The following PARD3B variants were observed in gnomAD, a reference collection of about 807,000 sequenced individuals.
PARD3B encodes par-3 family cell polarity regulator beta, also known as partitioning defective 3 homolog B.
Under a neutral mutation model 130.2 loss-of-function variants are expected in PARD3B, and 103 were observed. That is an observed-to-expected ratio of 0.79 (90% CI 0.67 to 0.93). The LOEUF is 0.93. Among genes scored for constraint, PARD3B ranks in the 40% least tolerant of loss-of-function variants. The pLI, the probability that PARD3B is intolerant of heterozygous loss-of-function variation, is 0.00. For synonymous variants in PARD3B, 583 were observed against 553.2 expected (o/e 1.05, Z -0.76); for missense variants, 1,609 against 1,499.2 (o/e 1.07, Z -1.21).
chr2:205,156,303 C>T (rs1342200366), intron 10 of PARD3B, among the ~76,000 whole-genome samples: 3 of 150,300 alleles, frequency 2.0e-5, no homozygotes, highest in Non-Finnish European at 4.4e-5. Context: ...AGGAGATATA[C>T]CTAATGCTAA....
chr2:204,960,674 A>AT (rs1690667275), intron 2 of PARD3B, among the ~76,000 whole-genome samples: 1 of 152,042 alleles, frequency 6.6e-6, no homozygotes, highest in South Asian at 2.1e-4. Flanking sequence ...TTTTCAGCAA[A>AT]TTTACATTGA....
At chr2:205,278,463 T>C (rs1388166344) in intron 16 of PARD3B, among the ~76,000 whole-genome samples, 13 of 152,092 alleles carry the variant, frequency 8.5e-5, no homozygotes, top group African/African-American at 2.2e-4. Flanking sequence ...AGAGACCATT[T>C]TGAGGTTGAG....
intron 1 of PARD3B, 122 bp downstream of exon 1, chr2:204,546,241 C>T: frequency 7.4e-7 from 1 of 1,357,418 alleles, no homozygotes; most frequent in Non-Finnish European, 1.0e-6. Flanking sequence ...CCTGTAGCTG[C>T]AGCTGTTGTC....
At chr2:204,916,086 G>A (rs2047431807) in intron 2 of PARD3B, among the ~76,000 whole-genome samples, 1 of 152,146 alleles carries the variant, frequency 6.6e-6, no homozygotes, top group Non-Finnish European at 1.5e-5. Context: ...GTGCATGTTA[G>A]CACAAATAGC....
rs985920053 is a variant in PARD3B at position 205,244,162 on chromosome 2, A to C, written c.2141-1616A>C. Reference sequence around the variant, plus strand: ...AAATAAAGAAATAGCTTAGAAAAGGAGGGCTAGGTGGGAGTGGGAAGATTA... The same window carrying C: ...AAATAAAGAAATAGCTTAGAAAAGGCGGGCTAGGTGGGAGTGGGAAGATTA... On this transcript the variant is annotated intron_variant, in intron 15 of 22. Coordinates refer to ENST00000406610, the MANE Select transcript of PARD3B (RefSeq NM_001302769.2). This position sits in a 1 kb window ranked among gnomAD's most constrained non-coding sequence, Gnocchi z 4.7. 9.2e-5 allele frequency among the ~76,000 whole-genome samples: 14 copies of C among 152,324 alleles called. No homozygotes were observed. The highest frequency in any genetic ancestry group is 3.4e-4 in the African/African-American group (14 of 41,578).
At chr2:205,576,139 C>G (rs2053750699) in intron 22 of PARD3B, among the ~76,000 whole-genome samples, 1 of 151,996 alleles carries the variant, frequency 6.6e-6, no homozygotes, top group South Asian at 2.1e-4. Flanking sequence ...TGCAGAGTAT[C>G]TTTTCATATA....
At chr2:205,169,220 G>A (rs2035008044) in intron 11 of PARD3B, among the ~76,000 whole-genome samples, 1 of 152,152 alleles carries the variant, frequency 6.6e-6, no homozygotes, top group Non-Finnish European at 1.5e-5. Flanking sequence ...AAGCCTGACA[G>A]TGAGAGTGTG....
At chr2:205,255,724 G>A (rs2040053853) in intron 16 of PARD3B, among the ~76,000 whole-genome samples, 1 of 152,106 alleles carries the variant, frequency 6.6e-6, no homozygotes, top group Non-Finnish European at 1.5e-5. Flanking sequence ...GGATACACAT[G>A]AAGGGCTGGA....
intron 10 of PARD3B, among the ~76,000 whole-genome samples, chr2:205,139,864 G>C (rs771547907): frequency 6.6e-6 from 1 of 152,182 alleles, no homozygotes; most frequent in South Asian, 2.1e-4. Context: ...GCAAAAAGCT[G>C]CAAACAAGCT....
At chr2:204,886,190 C>T (rs563819153) in intron 2 of PARD3B, among the ~76,000 whole-genome samples, 1 of 152,318 alleles carries the variant, frequency 6.6e-6, no homozygotes, top group South Asian at 2.1e-4. Context: ...TGGATCTTCT[C>T]TGGGTGGATT....
At chr2:204,806,367 G>A (rs1458670655) in intron 2 of PARD3B, among the ~76,000 whole-genome samples, 1 of 151,858 alleles carries the variant, frequency 6.6e-6, no homozygotes, top group African/African-American at 2.4e-5. Context: ...TTTGACAAAG[G>A]TACCAAGAAC....
At chr2:204,813,207 G>T (rs1179538650) in intron 2 of PARD3B, among the ~76,000 whole-genome samples, 1 of 152,066 alleles carries the variant, frequency 6.6e-6, no homozygotes, top group African/African-American at 2.4e-5. Context: ...CCTCACCAAG[G>T]TTTAGTATAG....
intron 3 of PARD3B, among the ~76,000 whole-genome samples, chr2:204,997,299 A>G (rs943453583): frequency 1.3e-5 from 2 of 152,128 alleles, no homozygotes; most frequent in African/African-American, 4.8e-5. Flanking sequence ...TGAGATTTTG[A>G]TTGGGATTGA....
chr2:204,830,824 T>C (rs750344506), intron 2 of PARD3B, among the ~76,000 whole-genome samples: 26 of 152,156 alleles, frequency 1.7e-4, no homozygotes, highest in Non-Finnish European at 2.8e-4. Flanking sequence ...AGAAGGGAAT[T>C]TAGCCCAAGG....
intron 10 of PARD3B, among the ~76,000 whole-genome samples, chr2:205,135,464 T>A (rs2032400649): frequency 6.6e-6 from 1 of 152,206 alleles, no homozygotes; most frequent in African/African-American, 2.4e-5. Context: ...GCCACTACAG[T>A]CCATCTCATT....
rs1458301332 is a variant in PARD3B at position 205,166,435 on chromosome 2, G to A, written c.1621-5776G>A. The stretch of plus-strand genomic sequence containing the variant: ...ACCAAGGTATGTACACCAAAGTACA[G>A]TCTGTTGTGCCTGGAAAATAGAGGT... On this transcript the variant is annotated intron_variant, in intron 11 of 22. Coordinates refer to ENST00000406610, the MANE Select transcript of PARD3B (RefSeq NM_001302769.2). Among the ~76,000 whole-genome samples the A allele has an allele frequency of 2.6e-5, 4 of 152,308 alleles. No homozygotes were observed. The East Asian group carries it at 5.8e-4, about 22-fold the overall frequency.
intron 3 of PARD3B, among the ~76,000 whole-genome samples, chr2:205,033,580 A>T (rs1297929652): frequency 6.6e-6 from 1 of 152,144 alleles, no homozygotes; most frequent in African/African-American, 2.4e-5. Flanking sequence ...TATTCATGCA[A>T]GGGTGTCCAT....
At chr2:204,861,014 G>T (rs2045162245) in intron 2 of PARD3B, among the ~76,000 whole-genome samples, 1 of 152,036 alleles carries the variant, frequency 6.6e-6, no homozygotes, top group South Asian at 2.1e-4. Context: ...TACTTAGGGG[G>T]TTATAGTCAT....
At chr2:204,648,652 A>ATATTTATAATATATATCATATAAATAAT (rs1559028878) in intron 1 of PARD3B, among the ~76,000 whole-genome samples, 3 of 114,670 alleles carry the variant, frequency 2.6e-5, no homozygotes, top group African/African-American at 3.5e-5. Flanking sequence ...TTATATATAT[A>ATATTTATAATATATATCATATAAATAAT]ATATATTTAT....
Sources: gnomAD v4.1 joint callset for allele counts (sites outside exome capture counted in the v4.1 genomes callset) on GRCh38, gnomAD v4.1.1 for gene constraint, Gnocchi (gnomAD v3.1) non-coding constraint, MANE v1.5 for transcripts, NCBI Gene and HGNC (gene_info 2026-07-23, HGNC 2026-07-21) for gene names.